ALK: variants seen among roughly 807,000 people sequenced by gnomAD.
The protein encoded by ALK is ALK receptor tyrosine kinase.
Under a neutral mutation model 163.1 loss-of-function variants are expected in ALK, and 74 were observed. The ratio of observed to expected loss-of-function variants is 0.45; its 90% CI spans 0.38 to 0.55. The LOEUF is 0.55. Among genes scored for constraint, ALK ranks in the 20% least tolerant of loss-of-function variants. ALK has a pLI of 0.00. For missense variants in ALK, 2,063 were observed against 2,105.3 expected, an observed-to-expected ratio of 0.98 and a Z score of 0.39; for synonymous variants, 960 against 843.2, an observed-to-expected ratio of 1.14 and a Z score of -2.40.
At chr2:29,888,128 A>G (rs1667032015) in intron 1 of ALK, among the ~76,000 whole-genome samples, 1 of 152,152 alleles carries the variant, frequency 6.6e-6, no homozygotes, top group Admixed American at 6.5e-5. Context: ...CTAGTTGCTA[A>G]CTAGTAAATA....
At chr2:29,859,664 G>A (rs7597555) in intron 1 of ALK, among the ~76,000 whole-genome samples, 20,252 of 152,028 alleles carry the variant, frequency 0.13, 1,545 homozygotes, top group Non-Finnish European at 0.16. Flanking sequence ...TGGAATTGGA[G>A]GGGAAAGAGG....
At chr2:29,376,691 G>T (rs1031740790) in intron 5 of ALK, among the ~76,000 whole-genome samples, 1 of 152,222 alleles carries the variant, frequency 6.6e-6, no homozygotes, top group Admixed American at 6.5e-5. Context: ...CTGCTGAGGC[G>T]TTGCTTGCTG....
intron 1 of ALK, among the ~76,000 whole-genome samples, chr2:29,888,556 C>T (rs1176006711): frequency 2.0e-5 from 3 of 152,246 alleles, no homozygotes; most frequent in South Asian, 2.1e-4. Flanking sequence ...AACCAGCTTC[C>T]GAACTCAGAG....
chr2:29,403,551 C>T (rs546993220), intron 4 of ALK, among the ~76,000 whole-genome samples: 14 of 151,826 alleles, frequency 9.2e-5, no homozygotes, highest in South Asian at 8.3e-4. Context: ...AATGTTACTG[C>T]GGTTAATCTT....
At chr2:29,641,070 C>T (rs1013920431) in intron 3 of ALK, among the ~76,000 whole-genome samples, 9 of 152,058 alleles carry the variant, frequency 5.9e-5, no homozygotes, top group Non-Finnish European at 1.3e-4. Flanking sequence ...AGAAGAGGAA[C>T]AGCTCCCAGT....
chr2:29,442,619 G>A (rs1046410329), intron 4 of ALK, among the ~76,000 whole-genome samples: 9 of 152,214 alleles, frequency 5.9e-5, no homozygotes, highest in Admixed American at 2.6e-4. Flanking sequence ...TGTAGTACAC[G>A]TTTTCCAGGC....
chr2:29,778,779 G>A (rs906687929), intron 1 of ALK, among the ~76,000 whole-genome samples: 5 of 152,154 alleles, frequency 3.3e-5, no homozygotes, highest in Non-Finnish European at 1.5e-5. Flanking sequence ...GGAAAGGGGA[G>A]GGGCTGTATT....
At chr2:29,259,739 A>G (rs903295617) in intron 11 of ALK, among the ~76,000 whole-genome samples, 1 of 152,120 alleles carries the variant, frequency 6.6e-6, no homozygotes, top group Non-Finnish European at 1.5e-5. Context: ...TTCTGGGTTA[A>G]TATTCTTAGG....
At chr2:29,424,876 T>C (rs150033429) in intron 4 of ALK, among the ~76,000 whole-genome samples, 134 of 152,282 alleles carry the variant, frequency 8.8e-4, no homozygotes, top group Middle Eastern at 3.4e-3. Flanking sequence ...GTGATAATAA[T>C]TAACTTTCCA....
At position 29,214,100 on chromosome 2, in the gene ALK, G is replaced by A. The variant is rs368380756; in HGVS notation, c.3646-19C>T. On this transcript the variant is annotated intron_variant, in intron 23 of 28. Coordinates refer to ENST00000389048, the MANE Select transcript of ALK (RefSeq NM_004304.5). ...GCTGGCTCTGTGGGGAGACAGAAGC[G>A]GGCCACTGACGAGGAGCTTGTCAGT... 2.3e-5 allele frequency: 37 copies of A among 1,607,728 alleles called. 1 individual carries two copies. Among genetic ancestry groups the A allele is most frequent in the South Asian group, 5.5e-5 (5 of 90,926 alleles).
intron 4 of ALK, among the ~76,000 whole-genome samples, chr2:29,502,333 G>A (rs1672210042): frequency 6.6e-6 from 1 of 152,160 alleles, no homozygotes; most frequent in African/African-American, 2.4e-5. Context: ...AAGATTTGCT[G>A]AATGAATGGA....
chr2:29,354,086 A>G (rs891300125), intron 5 of ALK, among the ~76,000 whole-genome samples: 2 of 152,170 alleles, frequency 1.3e-5, no homozygotes, highest in Non-Finnish European at 2.9e-5. Context: ...TATGACCTTC[A>G]GTGTAGTCTC....
chr2:29,292,569 G>A (rs1055534701), intron 9 of ALK, among the ~76,000 whole-genome samples: 7 of 152,232 alleles, frequency 4.6e-5, no homozygotes, highest in African/African-American at 1.4e-4. Flanking sequence ...TATGTGAGGT[G>A]GATGTAAAGT....
chr2:29,830,710 GTT>G (rs146479939), intron 1 of ALK, among the ~76,000 whole-genome samples: 1 of 8,134 alleles, frequency 1.2e-4, no homozygotes, highest in Non-Finnish European at 2.6e-4. Context: ...CTCTAAAATA[GTT>G]TAAAAAAAAA....
chr2:29,312,016 ATAAACT>A (rs1399743951), intron 8 of ALK, among the ~76,000 whole-genome samples: 1 of 151,890 alleles, frequency 6.6e-6, no homozygotes, highest in African/African-American at 2.4e-5. Flanking sequence ...CTGTTAAAGC[ATAAACT>A]TCCTCTGACT....
intron 1 of ALK, among the ~76,000 whole-genome samples, chr2:29,785,830 A>G (rs1196366044): frequency 6.7e-6 from 1 of 150,218 alleles, no homozygotes; most frequent in Non-Finnish European, 1.5e-5. Context: ...CTGCTCCCCT[A>G]TCTTTCATTC....
At chr2:29,671,791 A>G (rs968273199) in intron 3 of ALK, among the ~76,000 whole-genome samples, 2 of 151,914 alleles carry the variant, frequency 1.3e-5, no homozygotes, top group South Asian at 2.1e-4. Context: ...TTTGGTTTTG[A>G]TTTTCTACAG....
chr2:29,417,454 A>G (rs1225423577), intron 4 of ALK, among the ~76,000 whole-genome samples: 1 of 152,228 alleles, frequency 6.6e-6, no homozygotes, highest in Non-Finnish European at 1.5e-5. Context: ...TACAAAGAAC[A>G]CAGATTCATA....
chr2:29,481,832 G>A (rs1393481015), intron 4 of ALK, among the ~76,000 whole-genome samples: 1 of 152,146 alleles, frequency 6.6e-6, no homozygotes, highest in Non-Finnish European at 1.5e-5. Flanking sequence ...TTTACATTCA[G>A]GAAAGAGGGT....
Sources: gnomAD v4.1 joint callset for allele counts (sites outside exome capture counted in the v4.1 genomes callset) on GRCh38, gnomAD v4.1.1 for gene constraint, MANE v1.5 for transcripts, NCBI Gene and HGNC (gene_info 2026-07-23, HGNC 2026-07-21) for gene names.